Variants in PSEN2 observed in about 807,000 individuals in gnomAD.
PSEN2 encodes the protein presenilin 2.
Under a neutral mutation model 49.1 loss-of-function variants are expected in PSEN2, and 32 were observed. That is an observed-to-expected ratio of 0.65 (90% confidence interval 0.49 to 0.88). The LOEUF (loss-of-function observed/expected upper bound fraction) is 0.88, where lower values mean the gene tolerates loss of function less well. Ranked by LOEUF, PSEN2 falls within the 40% of genes least tolerant of loss-of-function variation. The pLI is 0.00. For missense variants in PSEN2, 522 were observed against 586.9 expected, an observed-to-expected ratio of 0.89 and a Z score of 1.14; for synonymous variants, 255 against 244.0, an observed-to-expected ratio of 1.05 and a Z score of -0.42.
chr1:226,888,780 G>C (rs748872069), intron 7 of PSEN2, 49 bp from the exon 8 acceptor site: 22 of 1,522,376 alleles, frequency 1.4e-5, no homozygotes. Context: ...CTGCTAGGCT[G>C]TAATGCCTCC....
chr1:226,891,963 C>T (rs886910587), intron 11 of PSEN2, 119 bp downstream of exon 11: 1 of 818,232 alleles, frequency 1.2e-6, no homozygotes, highest in Non-Finnish European at 2.1e-6. Flanking sequence ...CTTTTCCCAT[C>T]AGAGGCATCT....
chr1:226,894,183 T>C, intron 12 of PSEN2, 58 bp downstream of exon 12: 1 of 1,242,000 alleles, frequency 8.1e-7, no homozygotes, highest in Non-Finnish European at 1.2e-6. Flanking sequence ...GGGTCCTCAT[T>C]GTGGTGGGGG....
chr1:226,892,060 T>C (rs1326363279), intron 11 of PSEN2, among the ~76,000 whole-genome samples: 2 of 152,138 alleles, frequency 1.3e-5, no homozygotes, highest in African/African-American at 4.8e-5. Context: ...ATGGGCCACG[T>C]GCCCGTGCTG....
At chr1:226,890,689 A>C in intron 9 of PSEN2, 1 of 196,594 alleles carries the variant, frequency 5.1e-6, no homozygotes, top group Non-Finnish European at 1.1e-5. Context: ...CCCAGCAGGA[A>C]AGAAGACCAC....
chr1:226,878,176 T>A (rs1378620948), intron 3 of PSEN2, among the ~76,000 whole-genome samples: 1 of 151,874 alleles, frequency 6.6e-6, no homozygotes, highest in African/African-American at 2.4e-5. Flanking sequence ...GCCTCCTGGG[T>A]TCAAGTGATT....
intron 11 of PSEN2, among the ~76,000 whole-genome samples, chr1:226,892,183 C>T (rs541845163): frequency 7.2e-5 from 11 of 152,102 alleles, no homozygotes; most frequent in South Asian, 2.1e-4. Context: ...TGGGGAGGGG[C>T]GGCAGGAGAG....
intron 12 of PSEN2, 34 bp downstream of exon 12, chr1:226,894,159 G>T (rs764832142): frequency 6.3e-7 from 1 of 1,576,282 alleles, no homozygotes; most frequent in Non-Finnish European, 8.7e-7. Context: ...GCTGCCTCGT[G>T]GTGGGGGCCC....
chr1:226,873,440 A>T (rs1660434049), intron 2 of PSEN2, among the ~76,000 whole-genome samples: 1 of 151,846 alleles, frequency 6.6e-6, no homozygotes, highest in Non-Finnish European at 1.5e-5. Flanking sequence ...TTTGAGATGG[A>T]GTTTCACTCT....
rs541242045 is a variant in PSEN2 at position 226,892,724 on chromosome 1, C to T, written c.1072+880C>T. Among the ~76,000 whole-genome samples, 4 of 152,248 alleles carry T rather than the reference C, an allele frequency of 2.6e-5. No individual in the cohort carries two copies. The South Asian group carries it at 8.3e-4, about 32-fold the overall frequency. ...TATTCCAAGGCCAACTGGTGTGCTG[C>T]AGACCAGGAGTTAGCACAGATCCCA... On this transcript the variant is annotated intron_variant, in intron 11 of 12. Coordinates refer to ENST00000366783, the MANE Select transcript of PSEN2 (RefSeq NM_000447.3).
rs185921179 is a variant in PSEN2 at position 226,882,238 on chromosome 1, A to G, written c.141+190A>G. Among the ~76,000 whole-genome samples the G allele has an allele frequency of 7.9e-5, 12 of 152,344 alleles. No homozygotes were observed. In the East Asian group the frequency reaches 2.3e-3, roughly 29 times the overall value. On this transcript the variant is annotated intron_variant, in intron 4 of 12. Transcript: ENST00000366783. ...CAGGGTTTCATAGGACTGCGCATTC[A>G]CAGCCAGAGATGGACTTGGCAGTGG...
intron 8 of PSEN2, 128 bp from the exon 9 acceptor site, chr1:226,889,906 AT>A (rs1661625058): frequency 1.4e-5 from 11 of 772,218 alleles, no homozygotes; most frequent in South Asian, 1.4e-5. Flanking sequence ...GAGAATGAGA[AT>A]TTGGGATGCC....
intron 2 of PSEN2, 117 bp downstream of exon 2, chr1:226,871,521 G>C (rs1029625764): frequency 4.6e-5 from 7 of 152,298 alleles, no homozygotes; most frequent in Admixed American, 1.3e-4. Context: ...CCCTTTGAAA[G>C]GTATGAACGG....
chr1:226,883,943 CA>C, intron 5 of PSEN2, 24 bp downstream of exon 5: 1 of 1,158,200 alleles, frequency 8.6e-7, no homozygotes, highest in Admixed American at 3.1e-5. Context: ...CTGGGGGGAG[CA>C]GGGTGGGGTG....
intron 12 of PSEN2, among the ~76,000 whole-genome samples, chr1:226,903,031 A>G (rs975775193): frequency 6.6e-6 from 1 of 152,144 alleles, no homozygotes. Flanking sequence ...ACCTTTCTAT[A>G]GGCTTGAAAT....
chr1:226,882,232 G>A (rs1406439776), intron 4 of PSEN2, among the ~76,000 whole-genome samples, 184 bp downstream of exon 4: 1 of 152,242 alleles, frequency 6.6e-6, no homozygotes, highest in Non-Finnish European at 1.5e-5. Context: ...ATAGGACTGC[G>A]CATTCACAGC....
intron 3 of PSEN2, among the ~76,000 whole-genome samples, chr1:226,879,227 AG>A (rs1246507110): frequency 6.6e-6 from 1 of 152,168 alleles, no homozygotes; most frequent in Non-Finnish European, 1.5e-5. Flanking sequence ...TAGATGATGA[AG>A]GAACTAAAGC....
In PSEN2 at chr1:226,888,824, T is replaced by C; in HGVS notation, c.567-5T>C. The C allele has an allele frequency of 6.2e-7, 1 of 1,613,870 alleles. No homozygotes were observed. The highest frequency in any genetic ancestry group is 8.5e-7 in the Non-Finnish European group (1 of 1,179,728). ...CCAGTCACAGGCTCCACCTTGGTCC[T>C]GCAGGGAAGTGCTCAAGACCTACAA... On this transcript the variant is annotated splice_region_variant and splice_polypyrimidine_tract_variant and intron_variant, in intron 7 of 12. Transcript: ENST00000366783.
In PSEN2 at chr1:226,893,936, G is replaced by T. The variant is rs2102694806; in HGVS notation, c.1073-71G>T. The T allele has an allele frequency of 2.2e-6, 3 of 1,389,586 alleles. No homozygotes were observed. In the South Asian group the frequency reaches 3.5e-5, roughly 16 times the overall value. The allele number at this position is 1,389,586 out of a possible 1,614,324, so 86.1% of individuals were successfully genotyped here. A position where few individuals can be genotyped will look rare whatever the true frequency, so the allele number is the denominator to read the frequency against. On this transcript the variant is annotated intron_variant, in intron 11 of 12. Coordinates refer to ENST00000366783, the MANE Select transcript of PSEN2 (RefSeq NM_000447.3). ...GGGCAAGAGCAGCTGGGCCTTCTGGGCCAGAGTTTCTCTTCTTTTTCCATT... is the reference window on the plus strand; with the variant it reads ...GGGCAAGAGCAGCTGGGCCTTCTGGTCCAGAGTTTCTCTTCTTTTTCCATT...
chr1:226,893,151 G>A (rs1354714827), intron 11 of PSEN2, among the ~76,000 whole-genome samples: 3 of 152,190 alleles, frequency 2.0e-5, no homozygotes, highest in East Asian at 1.9e-4. Flanking sequence ...GGCTGGTTTC[G>A]AACTCCTGGG....
Sources: gnomAD v4.1 joint callset for allele counts (sites outside exome capture counted in the v4.1 genomes callset) on GRCh38, gnomAD v4.1.1 for gene constraint, MANE v1.5 for transcripts, NCBI Gene and HGNC (gene_info 2026-07-23, HGNC 2026-07-21) for gene names.